The following TBC1D32 variants were observed in gnomAD, a reference collection of about 807,000 sequenced individuals.
TBC1D32 encodes protein broad-minded.
In TBC1D32, 151 loss-of-function variants were observed where a neutral mutation model predicts 170.3. The observed-to-expected ratio is 0.89, with a 90% confidence interval of 0.78 to 1.01. The LOEUF is 1.01. Ranked by LOEUF, TBC1D32 falls within the 50% of genes least tolerant of loss-of-function variation. The pLI, the probability that TBC1D32 is intolerant of heterozygous loss-of-function variation, is 0.00. For missense variants in TBC1D32, 1,464 were observed against 1,457.1 expected (o/e 1.00, Z -0.08); for synonymous variants, 498 against 488.0 (o/e 1.02, Z -0.27).
chr6:121,252,138 G>A (rs1798378246), intron 17 of TBC1D32, among the ~76,000 whole-genome samples: 1 of 152,172 alleles, frequency 6.6e-6, no homozygotes, highest in Non-Finnish European at 1.5e-5. Context: ...GTGTAAATTA[G>A]TTCAACCATT....
At chr6:121,260,052 G>C (rs1799562825) in intron 15 of TBC1D32, among the ~76,000 whole-genome samples, 1 of 152,026 alleles carries the variant, frequency 6.6e-6, no homozygotes, top group South Asian at 2.1e-4. Context: ...AACAGTAAGA[G>C]GTTTCTCTAT....
At chr6:121,266,170 C>G (rs957314589) in intron 15 of TBC1D32, among the ~76,000 whole-genome samples, 1 of 151,942 alleles carries the variant, frequency 6.6e-6, no homozygotes, top group African/African-American at 2.4e-5. Context: ...TTGCAATGTA[C>G]CATCTGACAA....
At chr6:121,226,954 G>A (rs1795144931) in intron 20 of TBC1D32, among the ~76,000 whole-genome samples, 1 of 147,298 alleles carries the variant, frequency 6.8e-6, no homozygotes, top group Admixed American at 6.6e-5. Context: ...TCTAAAGTAG[G>A]GGTGTCCAAT....
At chr6:121,092,016 G>A (rs1776856070) in intron 30 of TBC1D32, among the ~76,000 whole-genome samples, 1 of 152,148 alleles carries the variant, frequency 6.6e-6, no homozygotes, top group Non-Finnish European at 1.5e-5. Flanking sequence ...AAGGCTGCTA[G>A]AAACCAGGAG....
intron 15 of TBC1D32, among the ~76,000 whole-genome samples, chr6:121,264,484 G>C (rs1800189452): frequency 6.6e-6 from 1 of 152,028 alleles, no homozygotes; most frequent in African/African-American, 2.4e-5. Flanking sequence ...TCTACCACAG[G>C]TACCAAGAGG....
At chr6:121,177,001 T>C (rs75380723) in intron 22 of TBC1D32, among the ~76,000 whole-genome samples, 12,335 of 152,266 alleles carry the variant, frequency 0.081, 832 homozygotes, top group African/African-American at 0.18. Flanking sequence ...CTGGTGATGC[T>C]ACTGTGCTGC....
chr6:121,092,293 G>GTTTTTTTTTTTTTTTTTTT (rs1160372863), intron 30 of TBC1D32, among the ~76,000 whole-genome samples: 1 of 50,388 alleles, frequency 2.0e-5, no homozygotes, highest in Non-Finnish European at 4.3e-5. Context: ...TCAGTTTTAT[G>GTTTTTTTTTTTTTTTTTTT]TTTTTTTTTT....
At chr6:121,087,285 T>C (rs1776356057) in intron 31 of TBC1D32, among the ~76,000 whole-genome samples, 1 of 152,218 alleles carries the variant, frequency 6.6e-6, no homozygotes, top group African/African-American at 2.4e-5. Context: ...GTTCTGCCTA[T>C]TAGTGTTCAC....
chr6:121,194,651 T>C (rs1203746045), intron 22 of TBC1D32, among the ~76,000 whole-genome samples: 1 of 152,224 alleles, frequency 6.6e-6, no homozygotes, highest in African/African-American at 2.4e-5. Context: ...GGCAAATGCC[T>C]TTTTCTCCAT....
intron 17 of TBC1D32, among the ~76,000 whole-genome samples, chr6:121,246,245 A>G (rs543552209): frequency 3.3e-4 from 51 of 152,348 alleles, no homozygotes; most frequent in Middle Eastern, 3.4e-3. Flanking sequence ...TACAACTGGC[A>G]TCTGGGAAAG....
intron 1 of TBC1D32, 76 bp from the exon 2 acceptor site, chr6:121,321,870 T>C (rs970925869): frequency 1.5e-6 from 2 of 1,291,192 alleles, no homozygotes; most frequent in Non-Finnish European, 2.1e-6. Context: ...CACAGAAAGG[T>C]AACATATTAA....
chr6:121,221,445 G>A (rs970995835), intron 21 of TBC1D32, among the ~76,000 whole-genome samples: 8 of 152,206 alleles, frequency 5.3e-5, no homozygotes, highest in African/African-American at 1.9e-4. Flanking sequence ...AATATATTTT[G>A]TAAGGCTATA....
intron 25 of TBC1D32, among the ~76,000 whole-genome samples, chr6:121,130,395 T>C (rs1781306941): frequency 1.3e-5 from 2 of 152,076 alleles, no homozygotes; most frequent in Admixed American, 6.5e-5. Context: ...AGCAGGAGAA[T>C]CGCCTGAACC....
intron 22 of TBC1D32, among the ~76,000 whole-genome samples, chr6:121,182,740 G>A (rs1788696814): frequency 6.6e-6 from 1 of 151,564 alleles, no homozygotes. Flanking sequence ...CCTATTATTA[G>A]AATTATAAGC....
intron 12 of TBC1D32, among the ~76,000 whole-genome samples, chr6:121,290,104 C>G (rs1473977985): frequency 2.0e-5 from 3 of 152,118 alleles, no homozygotes; most frequent in African/African-American, 7.2e-5. Flanking sequence ...GACTTCATGT[C>G]TAAAACACCA....
chr6:121,162,075 G>A (rs558480873), intron 22 of TBC1D32, among the ~76,000 whole-genome samples: 1 of 152,228 alleles, frequency 6.6e-6, no homozygotes, highest in Admixed American at 6.5e-5. Context: ...TGTACATGCT[G>A]GATATTAGGT....
intron 30 of TBC1D32, among the ~76,000 whole-genome samples, chr6:121,104,128 A>T (rs895947760): frequency 6.6e-6 from 1 of 151,836 alleles, no homozygotes; most frequent in Non-Finnish European, 1.5e-5. Context: ...GTTTCTTCAA[A>T]ATAAATATGA....
intron 30 of TBC1D32, among the ~76,000 whole-genome samples, chr6:121,098,192 GAAT>G (rs150038060): frequency 0.28 from 41,153 of 148,766 alleles, 8,545 homozygotes; most frequent in African/African-American, 0.56. Flanking sequence ...ACTTAAAGTA[GAAT>G]AATAATAATA....
At position 121,243,559 on chromosome 6, in the gene TBC1D32, T is replaced by C. The variant is rs1797240000; in HGVS notation, c.2019-1220A>G. On this transcript the variant is annotated intron_variant, in intron 17 of 31. Coordinates refer to ENST00000398212, the MANE Select transcript of TBC1D32 (RefSeq NM_152730.6). ...ATATATCAAAATATTAGTAGAGATATTAAAAGTTTTAGTAACAAAACACAC... is the reference window on the plus strand; with the variant it reads ...ATATATCAAAATATTAGTAGAGATACTAAAAGTTTTAGTAACAAAACACAC... Among the ~76,000 whole-genome samples, 3 of 151,980 alleles carry C rather than the reference T, an allele frequency of 2.0e-5. No individual in the cohort carries two copies. The South Asian group carries it at 6.2e-4, about 32-fold the overall frequency.
Sources: gnomAD v4.1 joint callset for allele counts (sites outside exome capture counted in the v4.1 genomes callset) on GRCh38, gnomAD v4.1.1 for gene constraint, MANE v1.5 for transcripts, NCBI Gene and HGNC (gene_info 2026-07-23, HGNC 2026-07-21) for gene names.